ASCC3: variants seen among roughly 807,000 people sequenced by gnomAD.
ASCC3 encodes the protein activating signal cointegrator 1 complex subunit 3, also known as ASC-1 complex subunit P200.
ASCC3 carries 158 observed loss-of-function variants against 256.3 expected under a neutral mutation model. That is an observed-to-expected ratio of 0.62 (90% confidence interval 0.54 to 0.70). The LOEUF is 0.70. Among genes scored for constraint, ASCC3 ranks in the 30% least tolerant of loss-of-function variants. ASCC3 has a pLI of 0.00. For synonymous variants in ASCC3, 948 were observed against 883.4 expected, an observed-to-expected ratio of 1.07 and a Z score of -1.30; for missense variants, 2,259 against 2,626.0, an observed-to-expected ratio of 0.86 and a Z score of 3.05.
In ASCC3 at chr6:100,667,904, G is replaced by C. The variant is rs12528449; in HGVS notation, c.2287-5368C>G. ...GGAGAGAAATAAGGGAGACCAGTTAGGTAATCATTGGTAGAACCAATGATT... is the reference window on the plus strand; with the variant it reads ...GGAGAGAAATAAGGGAGACCAGTTACGTAATCATTGGTAGAACCAATGATT... On this transcript the variant is annotated intron_variant, in intron 14 of 41. Transcript: ENST00000369162. 3.1e-3 allele frequency among the ~76,000 whole-genome samples: 465 copies of C among 151,976 alleles called. 18 individuals carry two copies. The highest frequency in any genetic ancestry group is 0.029 in the Admixed American group (438 of 15,236).
chr6:100,531,254 C>T (rs1026271164), intron 37 of ASCC3, among the ~76,000 whole-genome samples: 1 of 152,134 alleles, frequency 6.6e-6, no homozygotes, highest in African/African-American at 2.4e-5. Context: ...CTAGTCTGGG[C>T]TGCTCTAAAC....
intron 34 of ASCC3, among the ~76,000 whole-genome samples, chr6:100,593,027 A>G (rs1443291456): frequency 6.6e-6 from 1 of 152,112 alleles, no homozygotes; most frequent in African/African-American, 2.4e-5. Context: ...ACAATAATTG[A>G]CTTGTCAGAA....
At chr6:100,550,659 T>C (rs1769245101) in intron 36 of ASCC3, among the ~76,000 whole-genome samples, 1 of 151,980 alleles carries the variant, frequency 6.6e-6, no homozygotes, top group South Asian at 2.1e-4. Context: ...GTAACTTTGA[T>C]CATAAGTACT....
chr6:100,646,784 T>C lies in ASCC3; in HGVS notation c.3479-15A>G, dbSNP rs1205877087. ...TAAAATGTGACCTGCAAGAAAAATA[T>C]CACATAGAAGAAATGTGTCCAGGCA... On this transcript the variant is annotated splice_polypyrimidine_tract_variant and intron_variant, in intron 21 of 41. Coordinates refer to ENST00000369162, the MANE Select transcript of ASCC3 (RefSeq NM_006828.4). The C allele has an allele frequency of 1.2e-6, 2 of 1,612,920 alleles. No homozygotes were observed. Among genetic ancestry groups the C allele is most frequent in the Admixed American group, 1.7e-5 (1 of 60,002 alleles).
intron 37 of ASCC3, among the ~76,000 whole-genome samples, chr6:100,519,787 G>C (rs982245321): frequency 1.3e-5 from 2 of 152,068 alleles, no homozygotes; most frequent in Non-Finnish European, 1.5e-5. Flanking sequence ...AAGTTTTCAT[G>C]ATGAAGTTGA....
At chr6:100,767,074 G>A in intron 9 of ASCC3, 71 bp downstream of exon 9, 1 of 1,450,012 alleles carries the variant, frequency 6.9e-7, no homozygotes, top group Non-Finnish European at 9.6e-7. Context: ...CAAATTTCAT[G>A]TAATATTAAA....
chr6:100,854,723 G>A (rs1403737450), intron 3 of ASCC3, among the ~76,000 whole-genome samples: 3 of 152,086 alleles, frequency 2.0e-5, no homozygotes, highest in African/African-American at 4.8e-5. Flanking sequence ...AAATTACAAT[G>A]TAACTTCCCA....
rs1410568204 is a variant in ASCC3, at chr6:100,848,167, C to A, written c.782G>T (p.Gly261Val). The change falls in exon 4 of 42, where the codon GGT becomes GTT. Residue 261 changes from glycine (G) to valine (V), a missense_variant. Physicochemically the swap from Gly to Val is moderately radical, Grantham distance 109. Around this residue, in one of 2 missense-constraint regions of ASCC3, gnomAD observed 420 missense variants for 419.3 expected, o/e 1.00. Coordinates refer to ENST00000369162, the MANE Select transcript of ASCC3 (RefSeq NM_006828.4). ...LYDMLASIKS[G>V]DELQDELFEL... ...CTATACCTCATCCTGAAGTTCATCA[C>A]CACTTTTAATAGAAGCAAGCATATC... 8 of 1,595,040 alleles carry A rather than the reference C, an allele frequency of 5.0e-6. No homozygotes were observed. The highest frequency in any genetic ancestry group is 6.8e-6 in the Non-Finnish European group (8 of 1,172,966).
chr6:100,819,663 G>C (rs1458311716), intron 4 of ASCC3, among the ~76,000 whole-genome samples: 1 of 152,044 alleles, frequency 6.6e-6, no homozygotes. Flanking sequence ...GAAGGGGGTG[G>C]GGGGAGATGA....
At chr6:100,832,247 G>C (rs1443094758) in intron 4 of ASCC3, among the ~76,000 whole-genome samples, 1 of 152,084 alleles carries the variant, frequency 6.6e-6, no homozygotes, top group South Asian at 2.1e-4. Flanking sequence ...AAGACTGCAA[G>C]TCTTTCAGCA....
intron 13 of ASCC3, among the ~76,000 whole-genome samples, chr6:100,680,054 T>A (rs557423337): frequency 6.6e-6 from 1 of 152,208 alleles, no homozygotes; most frequent in Non-Finnish European, 1.5e-5. Flanking sequence ...AGAGACAGCA[T>A]ACAAAAATAT....
At chr6:100,613,879 G>A (rs1308594927) in intron 30 of ASCC3, among the ~76,000 whole-genome samples, 2 of 152,014 alleles carry the variant, frequency 1.3e-5, no homozygotes, top group African/African-American at 4.8e-5. Flanking sequence ...TCTCATTGTG[G>A]TTTTAGTTTG....
At chr6:100,863,850 T>C (rs973909264) in intron 3 of ASCC3, among the ~76,000 whole-genome samples, 1 of 152,110 alleles carries the variant, frequency 6.6e-6, no homozygotes, top group African/African-American at 2.4e-5. Flanking sequence ...CTCGAACTCC[T>C]GGACTCAAGC....
chr6:100,757,192 A>G (rs1340582057), intron 10 of ASCC3, among the ~76,000 whole-genome samples: 1 of 151,992 alleles, frequency 6.6e-6, no homozygotes, highest in African/African-American at 2.4e-5. Flanking sequence ...CTTATACTAA[A>G]ATGATAGTAA....
intron 4 of ASCC3, among the ~76,000 whole-genome samples, chr6:100,808,752 G>A (rs1284687408): frequency 6.6e-6 from 1 of 151,860 alleles, no homozygotes; most frequent in African/African-American, 2.4e-5. Flanking sequence ...CATATCCTGA[G>A]AAATGCACCA....
chr6:100,871,221 G>A (rs1441758732), intron 1 of ASCC3, among the ~76,000 whole-genome samples: 5 of 151,676 alleles, frequency 3.3e-5, no homozygotes, highest in Non-Finnish European at 7.4e-5. Flanking sequence ...TCAGCCTCCC[G>A]AGTAGCTGGG....
intron 8 of ASCC3, among the ~76,000 whole-genome samples, chr6:100,791,621 C>T (rs1293960837): frequency 2.0e-5 from 3 of 152,010 alleles, no homozygotes; most frequent in African/African-American, 7.2e-5. Flanking sequence ...AACAGCCATA[C>T]TCTGCAATGA....
chr6:100,591,971 T>G (rs1166675185), intron 34 of ASCC3, among the ~76,000 whole-genome samples: 1 of 151,932 alleles, frequency 6.6e-6, no homozygotes, highest in African/African-American at 2.4e-5. Context: ...TTTACTGTAT[T>G]TGCTTTATTT....
At chr6:100,587,092 A>G (rs1232978694) in intron 36 of ASCC3, among the ~76,000 whole-genome samples, 1 of 152,210 alleles carries the variant, frequency 6.6e-6, no homozygotes, top group East Asian at 1.9e-4. Flanking sequence ...AACAAAAGCA[A>G]TGATAATGGA....
Sources: gnomAD v4.1 joint callset for allele counts (sites outside exome capture counted in the v4.1 genomes callset) on GRCh38, gnomAD v4.1.1 for gene constraint, gnomAD v4.1.1 regional missense constraint, MANE v1.5 for transcripts, NCBI Gene and HGNC (gene_info 2026-07-23, HGNC 2026-07-21) for gene names.